The following UHRF1 variants were observed in gnomAD, a reference collection of about 807,000 sequenced individuals.
UHRF1 encodes E3 ubiquitin-protein ligase UHRF1.
UHRF1 carries 9 observed loss-of-function variants against 96.5 expected under a neutral mutation model. The ratio of observed to expected loss-of-function variants is 0.09; its 90% confidence interval spans 0.06 to 0.16. The LOEUF (loss-of-function observed/expected upper bound fraction) is 0.16. Among genes scored for constraint, UHRF1 ranks in the 10% least tolerant of loss-of-function variants. The pLI is 1.00. For synonymous variants in UHRF1, 455 were observed against 469.9 expected (o/e 0.97, Z 0.41); for missense variants, 626 against 1,131.1 (o/e 0.55, Z 6.40).
At chr19:4,916,367 C>T (rs942195219) in intron 2 of UHRF1, among the ~76,000 whole-genome samples, 4 of 152,032 alleles carry the variant, frequency 2.6e-5, no homozygotes, top group African/African-American at 4.8e-5. Flanking sequence ...AAGACAAGCG[C>T]GCCCCCTCTT....
chr19:4,946,250 A>G (rs1053130681), intron 10 of UHRF1, among the ~76,000 whole-genome samples: 2 of 151,832 alleles, frequency 1.3e-5, no homozygotes, highest in African/African-American at 4.8e-5. Context: ...ACGACTCTGG[A>G]GACCTCCTGG....
intron 2 of UHRF1, 102 bp from the exon 3 acceptor site, chr19:4,929,120 C>T (rs987130809): frequency 1.3e-5 from 19 of 1,472,832 alleles, no homozygotes; most frequent in Admixed American, 4.1e-5. Flanking sequence ...TTGCCCCCCC[C>T]CCACAAGGGC....
chr19:4,960,280 C>T (rs559275355), intron 16 of UHRF1, among the ~76,000 whole-genome samples: 3 of 152,288 alleles, frequency 2.0e-5, no homozygotes, highest in Admixed American at 6.5e-5. Context: ...ATATATAACA[C>T]GGCTCCACAG....
intron 2 of UHRF1, among the ~76,000 whole-genome samples, chr19:4,914,821 A>C (rs2032430532): frequency 6.6e-6 from 1 of 152,114 alleles, no homozygotes; most frequent in Admixed American, 6.6e-5. Flanking sequence ...GCTAATACCC[A>C]CCACGCTGCA....
chr19:4,909,401 C>A, upstream of UHRF1: 1 of 646,306 alleles, frequency 1.5e-6, no homozygotes, highest in Non-Finnish European at 2.8e-6. Flanking sequence ...TCTCGCTTCC[C>A]GCCACTGCGT....
Position 4,930,800 on chromosome 19 carries a change from T to C in UHRF1, c.493T>C (p.Ser165Pro), listed in dbSNP as rs1184773131. The change falls in exon 4 of 17, where the codon TCC becomes CCC. Residue 165 changes from serine to proline, a missense_variant. Physicochemically the swap from Ser to Pro is moderately conservative, Grantham distance 74. Around this residue, in one of 11 missense-constraint regions of UHRF1, gnomAD observed 198 missense variants for 235.1 expected, o/e 0.84. Transcript: ENST00000650932. This position sits in a 1 kb window ranked among gnomAD's most constrained non-coding sequence, Gnocchi z 4.4. ...QVVRVTRKAP[S>P]RDEPCSSTSR... is the part of the protein sequence containing the mutation. The stretch of plus-strand genomic sequence containing the variant: ...GGTCAGGGTGACGCGGAAGGCCCCC[T>C]CCCGGGACGAGCCCTGCAGCTCCAC... 1 of 1,613,902 alleles carries C rather than the reference T, an allele frequency of 6.2e-7. No homozygotes were observed. The highest frequency in any genetic ancestry group is 8.5e-7 in the Non-Finnish European group (1 of 1,179,872).
chr19:4,916,499 T>C (rs2602706), intron 2 of UHRF1, among the ~76,000 whole-genome samples: 1,526 of 152,204 alleles, frequency 0.01, 27 homozygotes, highest in African/African-American at 0.034. Context: ...TTGTGGCGGT[T>C]GTGTTGACCT....
In UHRF1 at chr19:4,958,540, G is replaced by A. The variant is rs188813759; in HGVS notation, c.2235+1727G>A. ...ATCGGTGTGAAGGCGCGGAAGCGCT[G>A]AGGATGTGAAGGAAGGGGCTAACCA... is the stretch of plus-strand genomic sequence containing the variant. On this transcript the variant is annotated intron_variant, in intron 16 of 16. Transcript: ENST00000650932. 7.0e-4 allele frequency among the ~76,000 whole-genome samples: 106 copies of A among 152,384 alleles called. 1 individual carries two copies. Among genetic ancestry groups the A allele is most frequent in the Admixed American group, 2.7e-3 (41 of 15,310 alleles).
chr19:4,957,122 G>A (rs4807003), intron 16 of UHRF1, among the ~76,000 whole-genome samples: 35,809 of 151,950 alleles, frequency 0.24, 5,272 homozygotes, highest in Middle Eastern at 0.38. Context: ...TCTTGGAGGA[G>A]GTGGTGTTAC....
At chr19:4,918,413 T>G (rs1308567801) in intron 2 of UHRF1, among the ~76,000 whole-genome samples, 1 of 151,028 alleles carries the variant, frequency 6.6e-6, no homozygotes, top group African/African-American at 2.4e-5. Flanking sequence ...TGAGTCACTG[T>G]GCCTGGCCTG....
chr19:4,941,524 G>A lies in UHRF1; in HGVS notation c.786-4G>A. ...GAATGTTCCAGCGTCCTCGTTCCTT[G>A]CAGGGATGATTCTCTGAACGACTGT... is the stretch of plus-strand genomic sequence containing the variant. On this transcript the variant is annotated splice_polypyrimidine_tract_variant and splice_region_variant and intron_variant, in intron 5 of 16. Transcript: ENST00000650932. 2 of 1,611,930 alleles carry A rather than the reference G, an allele frequency of 1.2e-6. No homozygotes were observed.
chr19:4,936,075 T>C (rs538227957), intron 5 of UHRF1, among the ~76,000 whole-genome samples: 1 of 152,316 alleles, frequency 6.6e-6, no homozygotes, highest in East Asian at 1.9e-4. Flanking sequence ...GATTCATTCA[T>C]GCTTGTGTCC....
chr19:4,950,481 C>T (rs980136397), intron 11 of UHRF1, 130 bp from the exon 12 acceptor site: 10 of 953,890 alleles, frequency 1.0e-5, no homozygotes, highest in South Asian at 1.8e-5. Flanking sequence ...TGACTTCAGG[C>T]GATCTGCCTA....
At chr19:4,958,876 C>T (rs749874754) in intron 16 of UHRF1, among the ~76,000 whole-genome samples, 7 of 151,190 alleles carry the variant, frequency 4.6e-5, no homozygotes, top group Non-Finnish European at 8.8e-5. Context: ...GTGGTAGAAT[C>T]GCTTGAACCT....
upstream of UHRF1, chr19:4,909,409 C>T (rs892380097): frequency 1.5e-6 from 1 of 650,556 alleles, no homozygotes; most frequent in African/African-American, 1.9e-5. Context: ...CCCGCCACTG[C>T]GTCGGCCAAT....
At chr19:4,955,982 G>A (rs762283138) in intron 15 of UHRF1, among the ~76,000 whole-genome samples, 15 of 152,002 alleles carry the variant, frequency 9.9e-5, no homozygotes, top group Non-Finnish European at 1.8e-4. Context: ...GCCCGGGCTG[G>A]AGTGTGCAAT....
chr19:4,953,387 T>A (rs906342459), intron 13 of UHRF1, among the ~76,000 whole-genome samples: 3 of 152,158 alleles, frequency 2.0e-5, no homozygotes, highest in Admixed American at 2.0e-4. Flanking sequence ...AGTATGAGAT[T>A]CACAACCTCT....
intron 2 of UHRF1, among the ~76,000 whole-genome samples, chr19:4,923,281 C>T (rs1465710136): frequency 2.0e-5 from 3 of 152,302 alleles, no homozygotes; most frequent in East Asian, 1.9e-4. Context: ...GCTCCGTCTG[C>T]TCCTCCTGCC....
upstream of UHRF1, chr19:4,909,282 G>A (rs2032149403): frequency 3.8e-6 from 2 of 532,760 alleles, no homozygotes; most frequent in Non-Finnish European, 6.6e-6. Context: ...CTGCCACGCA[G>A]CCCCTTTGCA....
Sources: allele counts gnomAD v4.1 joint callset (sites outside exome capture counted in the v4.1 genomes callset), GRCh38; gene constraint gnomAD v4.1.1; regional missense constraint gnomAD v4.1.1; non-coding constraint Gnocchi (gnomAD v3.1); transcripts MANE v1.5; gene names NCBI Gene and HGNC (gene_info 2026-07-23, HGNC 2026-07-21).